SYT14: variants seen among roughly 807,000 people sequenced by gnomAD.
SYT14 encodes synaptotagmin 14.
SYT14 carries 32 observed loss-of-function variants against 74.2 expected under a neutral mutation model. The observed-to-expected ratio is 0.43, with a 90% CI of 0.33 to 0.58. SYT14 has a LOEUF of 0.58. Ranked by LOEUF, SYT14 falls within the 20% of genes least tolerant of loss-of-function variation. SYT14 has a pLI of 0.05. For synonymous variants in SYT14, 298 were observed against 337.7 expected, an observed-to-expected ratio of 0.88 and a Z score of 1.29; for missense variants, 791 against 981.8, an observed-to-expected ratio of 0.81 and a Z score of 2.60.
intron 1 of SYT14, among the ~76,000 whole-genome samples, chr1:209,939,580 TTA>T (rs1297677696): frequency 8.5e-5 from 13 of 152,364 alleles, no homozygotes; most frequent in Admixed American, 6.5e-4. Flanking sequence ...GATGTTCCTG[TTA>T]TCTGCAGCAG....
chr1:210,016,996 A>G (rs2080198113), exon 4 of SYT14: 5 of 1,231,868 alleles, frequency 4.1e-6, no homozygotes, highest in Non-Finnish European at 5.1e-6. Flanking sequence ...AATACTGTAA[A>G]GTGAACGAAG....
At chr1:210,166,786 T>C (rs754691886) in exon 10 of SYT14, 6 of 152,208 alleles carry the variant, frequency 3.9e-5, no homozygotes, top group Non-Finnish European at 7.3e-5. Flanking sequence ...TCTATTGATA[T>C]AGAATATTAA....
chr1:210,161,253 G>A (rs1190623752), exon 10 of SYT14: 7 of 670,560 alleles, frequency 1.0e-5, no homozygotes, highest in African/African-American at 3.5e-5. Flanking sequence ...AGGAAACTGA[G>A]AAACGTACAC....
chr1:209,957,166 G>A (rs754334941), intron 2 of SYT14, among the ~76,000 whole-genome samples: 6 of 152,018 alleles, frequency 3.9e-5, no homozygotes, highest in East Asian at 1.9e-4. Flanking sequence ...TGTTATTGCC[G>A]TTGTTAGTAT....
chr1:210,107,837 C>T (rs114902250), intron 7 of SYT14, among the ~76,000 whole-genome samples: 50 of 151,916 alleles, frequency 3.3e-4, no homozygotes, highest in African/African-American at 1.1e-3. Flanking sequence ...AGGATGTTTA[C>T]CTAATAGCAA....
At chr1:209,988,398 T>G (rs185600987) in intron 2 of SYT14, among the ~76,000 whole-genome samples, 12 of 152,342 alleles carry the variant, frequency 7.9e-5, no homozygotes, top group Admixed American at 2.0e-4. Flanking sequence ...GTCTCCTAAT[T>G]TTATCAATTT....
At chr1:210,084,717 G>A (rs371645315) in intron 5 of SYT14, among the ~76,000 whole-genome samples, 105 of 152,344 alleles carry the variant, frequency 6.9e-4, no homozygotes, top group African/African-American at 2.2e-3. Context: ...TAAAGGAAAA[G>A]AGCATTCGTA....
chr1:210,068,732 A>G (rs1275714843), intron 5 of SYT14, among the ~76,000 whole-genome samples: 2 of 151,712 alleles, frequency 1.3e-5, no homozygotes, highest in Non-Finnish European at 3.0e-5. Context: ...TTTAAAAAAT[A>G]ATTCTTTAAT....
intron 5 of SYT14, among the ~76,000 whole-genome samples, chr1:210,060,576 T>A (rs539496074): frequency 4.6e-5 from 7 of 152,250 alleles, no homozygotes; most frequent in South Asian, 2.1e-4. Flanking sequence ...CTGAGCCAAT[T>A]ACTTATTTAC....
At chr1:210,154,777 A>G (rs1481191859) in intron 7 of SYT14, among the ~76,000 whole-genome samples, 1 of 152,200 alleles carries the variant, frequency 6.6e-6, no homozygotes, top group Non-Finnish European at 1.5e-5. Flanking sequence ...ATCAAAAAAC[A>G]TTATGAATAA....
chr1:210,052,314 G>C (rs1319655380), intron 5 of SYT14, among the ~76,000 whole-genome samples: 2 of 149,224 alleles, frequency 1.3e-5, no homozygotes, highest in African/African-American at 4.9e-5. Flanking sequence ...TCCGCCTCCC[G>C]GGTTCACGCC....
At chr1:210,100,562 A>AT (rs1267783827) in intron 7 of SYT14, 101 bp downstream of exon 6, 9 of 1,146,244 alleles carry the variant, frequency 7.9e-6, no homozygotes, top group South Asian at 1.3e-5. Context: ...TTGTCAGTCT[A>AT]TTTTTTTACA....
At chr1:209,958,705 T>C (rs1040627048) in intron 2 of SYT14, among the ~76,000 whole-genome samples, 1 of 152,244 alleles carries the variant, frequency 6.6e-6, no homozygotes. Flanking sequence ...GCTATGTTGC[T>C]AAACTATTTA....
At chr1:210,032,629 A>C (rs2080565283) in intron 5 of SYT14, among the ~76,000 whole-genome samples, 1 of 148,232 alleles carries the variant, frequency 6.7e-6, no homozygotes, top group Non-Finnish European at 1.5e-5. Context: ...TTTTTCATTA[A>C]AGTGACTCTG....
At chr1:209,940,503 A>C (rs2078713110) in intron 1 of SYT14, among the ~76,000 whole-genome samples, 1 of 152,134 alleles carries the variant, frequency 6.6e-6, no homozygotes, top group South Asian at 2.1e-4. Flanking sequence ...TTAAACATGC[A>C]ATTACAGTGT....
At chr1:210,015,960 A>G in exon 4 of SYT14, 1 of 1,231,710 alleles carries the variant, frequency 8.1e-7, no homozygotes, top group East Asian at 3.2e-5. Flanking sequence ...TTTTCAGAAG[A>G]GAAAATTCCA....
At chr1:210,029,154 A>G (rs1046867244) in intron 5 of SYT14, among the ~76,000 whole-genome samples, 2 of 152,156 alleles carry the variant, frequency 1.3e-5, no homozygotes, top group African/African-American at 2.4e-5. Context: ...GGAATTCTCC[A>G]TATATTTTGG....
chr1:210,170,875 C>T (rs1162080429), exon 10 of SYT14: 2 of 152,090 alleles, frequency 1.3e-5, no homozygotes, highest in East Asian at 3.8e-4. Context: ...TCAAATCTGG[C>T]TTCCAAAGAA....
At chr1:209,951,053 G>T (rs1487838471) in intron 1 of SYT14, among the ~76,000 whole-genome samples, 1 of 152,142 alleles carries the variant, frequency 6.6e-6, no homozygotes, top group African/African-American at 2.4e-5. Context: ...GTGATGTTTT[G>T]ATATATGGAT....
Sources: allele counts gnomAD v4.1 joint callset (sites outside exome capture counted in the v4.1 genomes callset), GRCh38; gene constraint gnomAD v4.1.1; transcripts MANE v1.5; gene names NCBI Gene and HGNC (gene_info 2026-07-23, HGNC 2026-07-21).